CSMD1: variants seen among roughly 807,000 people sequenced by gnomAD.
CSMD1 encodes CUB and Sushi multiple domains 1, also known as CUB and sushi domain-containing protein 1.
Under a neutral mutation model 417.5 loss-of-function variants are expected in CSMD1, and 213 were observed. That is an observed-to-expected ratio of 0.51 (90% CI 0.46 to 0.57). The LOEUF is 0.57. CSMD1 is among the 20% of genes least tolerant of loss of function. The probability of loss-of-function intolerance (pLI) is 0.00; values close to 1 mark genes in which losing one functional copy is unlikely to be tolerated. For synonymous variants in CSMD1, 2,862 were observed against 1,736.8 expected, an observed-to-expected ratio of 1.65 and a Z score of -16.11; for missense variants, 6,923 against 4,529.7, an observed-to-expected ratio of 1.53 and a Z score of -15.17.
At chr8:4,637,807 A>G (rs1228942515) in intron 1 of CSMD1, among the ~76,000 whole-genome samples, 1 of 151,588 alleles carries the variant, frequency 6.6e-6, no homozygotes, top group Non-Finnish European at 1.5e-5. Flanking sequence ...AGTAGGTGGG[A>G]CTACAGGCGC....
intron 7 of CSMD1, among the ~76,000 whole-genome samples, chr8:3,631,614 G>C (rs558677113): frequency 6.6e-6 from 1 of 152,208 alleles, no homozygotes; most frequent in African/African-American, 2.4e-5. Flanking sequence ...GGATCCATCG[G>C]TTTTGCAACA....
At chr8:4,350,381 A>AT (rs1801022212) in intron 3 of CSMD1, among the ~76,000 whole-genome samples, 1 of 152,220 alleles carries the variant, frequency 6.6e-6, no homozygotes, top group Admixed American at 6.5e-5. Context: ...AAATAGTGTT[A>AT]TAAATGAAAT....
At chr8:4,248,511 C>A (rs935124968) in intron 3 of CSMD1, among the ~76,000 whole-genome samples, 1 of 152,180 alleles carries the variant, frequency 6.6e-6, no homozygotes, top group Non-Finnish European at 1.5e-5. Flanking sequence ...AATATGTCAA[C>A]TTCTAACAGG....
chr8:2,951,770 T>G (rs1413932987), intron 65 of CSMD1, among the ~76,000 whole-genome samples: 7 of 152,190 alleles, frequency 4.6e-5, no homozygotes, highest in Non-Finnish European at 1.0e-4. Context: ...CAGCACCAAG[T>G]GGACTTATGA....
At chr8:4,066,778 G>A (rs1035661684) in intron 3 of CSMD1, among the ~76,000 whole-genome samples, 2 of 152,158 alleles carry the variant, frequency 1.3e-5, no homozygotes, top group Non-Finnish European at 2.9e-5. Context: ...AAAGGGGCGA[G>A]AAACGAATGC....
At chr8:4,345,221 A>C (rs1800711634) in intron 3 of CSMD1, among the ~76,000 whole-genome samples, 1 of 152,190 alleles carries the variant, frequency 6.6e-6, no homozygotes, top group Non-Finnish European at 1.5e-5. Flanking sequence ...ATATATTAGC[A>C]GCTATTGCGG....
At chr8:3,218,290 G>C (rs550536061) in intron 29 of CSMD1, among the ~76,000 whole-genome samples, 2 of 152,274 alleles carry the variant, frequency 1.3e-5, no homozygotes, top group South Asian at 2.1e-4. Flanking sequence ...GGCCGGGCGC[G>C]GTGGCTCACG....
intron 3 of CSMD1, among the ~76,000 whole-genome samples, chr8:4,187,774 C>A (rs1798772273): frequency 6.6e-6 from 1 of 151,504 alleles, no homozygotes; most frequent in Non-Finnish European, 1.5e-5. Context: ...TCACTCTCAC[C>A]ATATAGTAAA....
At chr8:3,590,592 T>C (rs1403089316) in intron 8 of CSMD1, among the ~76,000 whole-genome samples, 1 of 152,174 alleles carries the variant, frequency 6.6e-6, no homozygotes, top group Non-Finnish European at 1.5e-5. Context: ...CATTCCATAA[T>C]TACGATCATG....
At chr8:3,420,898 CTCTT>C (rs912201645) in intron 12 of CSMD1, among the ~76,000 whole-genome samples, 22 of 152,246 alleles carry the variant, frequency 1.4e-4, no homozygotes, top group African/African-American at 5.1e-4. Context: ...AGAAAAATCA[CTCTT>C]TCCTGTTTCT....
chr8:3,466,459 G>C (rs552316771), intron 12 of CSMD1, among the ~76,000 whole-genome samples: 1 of 151,754 alleles, frequency 6.6e-6, no homozygotes, highest in Admixed American at 6.6e-5. Context: ...GCCTAGGCTG[G>C]AGTGCAGTGG....
intron 3 of CSMD1, among the ~76,000 whole-genome samples, chr8:4,383,916 A>G (rs1296359301): frequency 6.6e-6 from 1 of 152,256 alleles, no homozygotes; most frequent in Non-Finnish European, 1.5e-5. Flanking sequence ...ATGTTTATAA[A>G]TATGATACCG....
At chr8:3,478,144 T>C (rs1397644064) in intron 11 of CSMD1, among the ~76,000 whole-genome samples, 4 of 152,234 alleles carry the variant, frequency 2.6e-5, no homozygotes, top group Non-Finnish European at 5.9e-5. Context: ...TTATTTACTG[T>C]GCTGAAATCC....
chr8:3,325,269 A>G (rs1806450957), intron 23 of CSMD1, among the ~76,000 whole-genome samples: 1 of 152,246 alleles, frequency 6.6e-6, no homozygotes. Context: ...ACTGACTAAT[A>G]CAATCACAAT....
intron 51 of CSMD1, among the ~76,000 whole-genome samples, chr8:3,023,885 C>A (rs1194847638): frequency 6.6e-6 from 1 of 151,328 alleles, no homozygotes; most frequent in Non-Finnish European, 1.5e-5. Flanking sequence ...AATGACTGCT[C>A]CTTACCTGCA....
At chr8:3,604,642 C>T (rs140902448) in intron 8 of CSMD1, among the ~76,000 whole-genome samples, 245 of 152,012 alleles carry the variant, frequency 1.6e-3, no homozygotes, top group African/African-American at 5.4e-3. Flanking sequence ...ATCAAAGGAG[C>T]CAAAAAGCAG....
At chr8:2,977,809 A>G (rs1250343961) in intron 55 of CSMD1, among the ~76,000 whole-genome samples, 1 of 152,226 alleles carries the variant, frequency 6.6e-6, no homozygotes, top group African/African-American at 2.4e-5. Context: ...TATGTGGCCA[A>G]TAAACATATG....
At chr8:4,787,179 G>T (rs111635408) in intron 1 of CSMD1, among the ~76,000 whole-genome samples, 1 of 152,206 alleles carries the variant, frequency 6.6e-6, no homozygotes, top group Admixed American at 6.5e-5. Flanking sequence ...GCGGAGCTCG[G>T]AAAGAGTGGC....
At chr8:4,209,486 C>CT (rs1347620709) in intron 3 of CSMD1, among the ~76,000 whole-genome samples, 2 of 152,192 alleles carry the variant, frequency 1.3e-5, no homozygotes, top group African/African-American at 4.8e-5. Flanking sequence ...GAACACTTCC[C>CT]TTAACCTCAC....
Sources: allele counts gnomAD v4.1 joint callset (sites outside exome capture counted in the v4.1 genomes callset), GRCh38; gene constraint gnomAD v4.1.1; transcripts MANE v1.5; gene names NCBI Gene and HGNC (gene_info 2026-07-23, HGNC 2026-07-21).